TARS3: variants seen among roughly 807,000 people sequenced by gnomAD.
The protein encoded by TARS3 is threonyl-tRNA synthetase 3.
A neutral mutation model predicts 103.5 loss-of-function variants in TARS3; 94 were observed. That is an observed-to-expected ratio of 0.91 (90% confidence interval 0.77 to 1.08). TARS3 has a LOEUF of 1.08. Ranked by LOEUF, TARS3 falls within the 50% of genes least tolerant of loss-of-function variation. TARS3 has a pLI of 0.00. For missense variants in TARS3, 952 were observed against 995.2 expected (o/e 0.96, Z 0.58); for synonymous variants, 416 against 355.4 (o/e 1.17, Z -1.92).
chr15:101,653,869 A>G lies in TARS3; in HGVS notation c.*713T>C, dbSNP rs1396614483. ...AATCCATGGAATGTCATCCCATCAA[A>G]AAAGTAACAACTCTAGGTGAGCGGC... On this transcript the variant is annotated 3_prime_UTR_variant, in exon 19 of 19. Transcript: ENST00000335968. The G allele has an allele frequency of 6.6e-6, 1 of 152,258 alleles. No homozygotes were observed. The highest frequency in any genetic ancestry group is 1.5e-5 in the Non-Finnish European group (1 of 68,050). The allele number at this position is 152,258 out of a possible 1,614,324, so 9.4% of individuals were successfully genotyped here. A position where few individuals can be genotyped will look rare whatever the true frequency, so the allele number is the denominator to read the frequency against.
intron 10 of TARS3, chr15:101,696,067 G>A (rs1056811274): frequency 6.6e-6 from 1 of 151,252 alleles, no homozygotes. Flanking sequence ...AAATTAGCCA[G>A]GCATGGTGGT....
In TARS3 at chr15:101,661,793, CTCT is replaced by C. The variant is rs776691540; in HGVS notation, c.1988_1990del (p.Lys663del). 4 of 1,604,302 alleles carry C rather than the reference CTCT, an allele frequency of 2.5e-6. No homozygotes were observed. Among genetic ancestry groups the C allele is most frequent in the Non-Finnish European group, 3.4e-6 (4 of 1,175,018 alleles). ...AATGGCTCGATGAATGATCACAGGT[CTCT>C]TCTTATCATCCCCATCCTTACTAAA... On this transcript the variant is annotated inframe_deletion, in exon 16 of 19. Transcript: ENST00000335968.
chr15:101,694,498 G>A (rs1368615624), intron 10 of TARS3, among the ~76,000 whole-genome samples: 1 of 152,216 alleles, frequency 6.6e-6, no homozygotes, highest in Non-Finnish European at 1.5e-5. Flanking sequence ...CTGTGACTGA[G>A]AGTCTGTCCC....
chr15:101,724,112 C>A lies in TARS3; in HGVS notation c.276G>T (p.Ala92=), dbSNP rs1422082441. 7.2e-7 allele frequency: 1 copy of A among 1,381,490 alleles called. No homozygotes were observed. The highest frequency in any genetic ancestry group is 9.4e-7 in the Non-Finnish European group (1 of 1,068,504). The allele number at this position is 1,381,490 out of a possible 1,614,324, so 85.6% of individuals were successfully genotyped here. A position where few individuals can be genotyped will look rare whatever the true frequency, so the allele number is the denominator to read the frequency against. The change falls in exon 1 of 19, where the codon GCG becomes GCT. Residue 92 remains alanine (A), a synonymous_variant. Coordinates refer to ENST00000335968, the MANE Select transcript of TARS3 (RefSeq NM_152334.3). ...TTACCTGTGCGCCGGCCTCCTGCGC[C>A]GCCTCTAGCTCCGCGCTCTCCAGCG... ...QATLESAELE[A]AQEAGAQPPP... is the part of the protein sequence containing the mutation.
intron 10 of TARS3, among the ~76,000 whole-genome samples, chr15:101,690,635 A>G (rs1898674676): frequency 6.6e-6 from 1 of 152,220 alleles, no homozygotes; most frequent in African/African-American, 2.4e-5. Flanking sequence ...GTATGCATAG[A>G]TGTATTTTTG....
chr15:101,665,752 C>G lies in TARS3; in HGVS notation c.1968-3936G>C, dbSNP rs150784410. 3.9e-3 allele frequency among the ~76,000 whole-genome samples: 594 copies of G among 152,304 alleles called. 5 individuals carry two copies. The highest frequency in any genetic ancestry group is 0.013 in the African/African-American group (554 of 41,558). ...AAATCTTTCTATAAAACTAGCCAAT[C>G]TTTCACCCAGATTGAAGTTTTAAAA... On this transcript the variant is annotated intron_variant, in intron 15 of 18. Transcript: ENST00000335968.
At chr15:101,674,490 A>T (rs1420173281) in intron 13 of TARS3, among the ~76,000 whole-genome samples, 2 of 152,236 alleles carry the variant, frequency 1.3e-5, no homozygotes, top group African/African-American at 4.8e-5. Flanking sequence ...TGCACCTCAC[A>T]CTGCGAAAGT....
In TARS3 at chr15:101,653,597, C is replaced by G. The variant is rs1379795214; in HGVS notation, c.*985G>C. The G allele has an allele frequency of 1.3e-5, 2 of 152,220 alleles. No homozygotes were observed. Among genetic ancestry groups the G allele is most frequent in the African/African-American group, 4.8e-5 (2 of 41,448 alleles). 9.4% of individuals were successfully genotyped at this position (152,220 alleles called of 1,614,324 possible). ...TCTGCACCTTATACTACTACACAAG[C>G]CTGATATATATTGTTTTGTTTGCCA... On this transcript the variant is annotated 3_prime_UTR_variant, in exon 19 of 19. Coordinates refer to ENST00000335968, the MANE Select transcript of TARS3 (RefSeq NM_152334.3).
Position 101,675,755 on chromosome 15 carries a change from G to A in TARS3, c.1651-18C>T. 3 of 1,601,292 alleles carry A rather than the reference G, an allele frequency of 1.9e-6. No homozygotes were observed. Among genetic ancestry groups the A allele is most frequent in the South Asian group, 2.3e-5 (2 of 88,370 alleles). ...TCTTCAATCTGAAATCAAAGCAAAT[G>A]AAACATTCAAATAGAACATCAAATT... On this transcript the variant is annotated intron_variant, in intron 12 of 18. Coordinates refer to ENST00000335968, the MANE Select transcript of TARS3 (RefSeq NM_152334.3).
chr15:101,692,673 T>A (rs897497010), intron 10 of TARS3, among the ~76,000 whole-genome samples: 1 of 152,196 alleles, frequency 6.6e-6, no homozygotes, highest in South Asian at 2.1e-4. Context: ...TACTACTCCA[T>A]CTCCTCACTT....
chr15:101,701,596 A>G (rs1899283117), intron 9 of TARS3, among the ~76,000 whole-genome samples: 1 of 152,158 alleles, frequency 6.6e-6, no homozygotes, highest in African/African-American at 2.4e-5. Flanking sequence ...GCCACCCTGC[A>G]AGGCTACCCA....
chr15:101,654,485 A>T lies in TARS3; in HGVS notation c.*97T>A. 1 of 1,280,560 alleles carries T rather than the reference A, an allele frequency of 7.8e-7. No homozygotes were observed. The highest frequency in any genetic ancestry group is 1.1e-6 in the Non-Finnish European group (1 of 925,832). The allele number at this position is 1,280,560 out of a possible 1,614,324, so 79.3% of individuals were successfully genotyped here. ...AGCTGAGGCCATGAGTGGACCCATC[A>T]GTGGCTCCAAAGTCGTAGAAGTACT... On this transcript the variant is annotated 3_prime_UTR_variant, in exon 19 of 19. Coordinates refer to ENST00000335968, the MANE Select transcript of TARS3 (RefSeq NM_152334.3).
chr15:101,714,068 G>A (rs1462228063), intron 4 of TARS3, among the ~76,000 whole-genome samples: 5 of 152,128 alleles, frequency 3.3e-5, no homozygotes, highest in African/African-American at 9.7e-5. Flanking sequence ...CGACTGCAAC[G>A]TTCAGGCGAC....
chr15:101,659,071 G>A (rs1477723568), intron 16 of TARS3, among the ~76,000 whole-genome samples: 1 of 152,206 alleles, frequency 6.6e-6, no homozygotes, highest in African/African-American at 2.4e-5. Context: ...GATTACAGGC[G>A]TGAGCCACCA....
intron 8 of TARS3, among the ~76,000 whole-genome samples, chr15:101,702,656 G>C (rs1376824209): frequency 1.3e-5 from 2 of 152,160 alleles, no homozygotes; most frequent in Non-Finnish European, 2.9e-5. Flanking sequence ...TGTAATCCCA[G>C]CTACTTGGGA....
At chr15:101,720,888 TGAA>T (rs1421181847) in intron 3 of TARS3, among the ~76,000 whole-genome samples, 2 of 152,184 alleles carry the variant, frequency 1.3e-5, no homozygotes, top group Non-Finnish European at 2.9e-5. Flanking sequence ...CGCTGCCATG[TGAA>T]GAAGGACATG....
rs1467557147 is a variant in TARS3 at position 101,708,690 on chromosome 15, A to C, written c.930+103T>G. On this transcript the variant is annotated intron_variant, in intron 6 of 18. Coordinates refer to ENST00000335968, the MANE Select transcript of TARS3 (RefSeq NM_152334.3). ...CACAGTAGCTTAACAGGATTGGAAT[A>C]ATTTGGTGAGCAACAGGTAATTATT... 4 of 806,192 alleles carry C rather than the reference A, an allele frequency of 5.0e-6. No individual in the cohort carries two copies. The African/African-American group carries it at 6.9e-5, about 14-fold the overall frequency. 49.9% of individuals were successfully genotyped at this position (806,192 alleles called of 1,614,324 possible).
In TARS3 at chr15:101,710,953, C is replaced by A. The variant is rs1899835286; in HGVS notation, c.812+927G>T. ...GTTTTGGTTGTGGCAGTTGGAGGTA[C>A]CCTAGGAGCTATGAGGAATTCAGGG... On this transcript the variant is annotated intron_variant, in intron 5 of 18. Coordinates refer to ENST00000335968, the MANE Select transcript of TARS3 (RefSeq NM_152334.3). 2.0e-5 allele frequency among the ~76,000 whole-genome samples: 3 copies of A among 152,034 alleles called. No individual in the cohort carries two copies. In the South Asian group the frequency reaches 6.2e-4, roughly 32 times the overall value.
At chr15:101,706,924 A>G (rs970421612) in intron 6 of TARS3, among the ~76,000 whole-genome samples, 43 of 152,244 alleles carry the variant, frequency 2.8e-4, no homozygotes, top group Admixed American at 2.2e-3. Flanking sequence ...TGCAAATCAC[A>G]TATCTGTTAA....
Sources: gnomAD v4.1 joint callset for allele counts (sites outside exome capture counted in the v4.1 genomes callset) on GRCh38, gnomAD v4.1.1 for gene constraint, MANE v1.5 for transcripts, NCBI Gene and HGNC (gene_info 2026-07-23, HGNC 2026-07-21) for gene names.